RTEL1: variants seen among roughly 807,000 people sequenced by gnomAD.
The protein encoded by RTEL1 is regulator of telomere elongation helicase 1.
RTEL1 carries 86 observed loss-of-function variants against 162.2 expected under a neutral mutation model. The observed-to-expected ratio is 0.53, with a 90% CI of 0.45 to 0.63. The LOEUF (loss-of-function observed/expected upper bound fraction) is 0.63. Ranked by LOEUF, RTEL1 falls within the 30% of genes least tolerant of loss-of-function variation. The pLI is 0.00. For synonymous variants in RTEL1, 958 were observed against 717.9 expected, an observed-to-expected ratio of 1.33 and a Z score of -5.35; for missense variants, 1,941 against 1,750.2, an observed-to-expected ratio of 1.11 and a Z score of -1.95.
chr20:63,691,580 C>G (rs34412639), intron 27 of RTEL1, among the ~76,000 whole-genome samples, 162 bp from the exon 28 acceptor site: 2 of 152,144 alleles, frequency 1.3e-5, no homozygotes, highest in African/African-American at 2.4e-5. Flanking sequence ...TGGACAGGAC[C>G]AAGTTGTGGC....
In RTEL1 at chr20:63,693,307, C is replaced by G. The variant is rs370536556; in HGVS notation, c.2992+24C>G. 24 of 1,610,290 alleles carry G rather than the reference C, an allele frequency of 1.5e-5. No individual in the cohort carries two copies. The African/African-American group carries it at 2.5e-4, about 17-fold the overall frequency. On this transcript the variant is annotated intron_variant, in intron 30 of 34. Transcript: ENST00000360203. ...TGGTAAATGGGGCCCCAGGTGGGAC[C>G]CTCAGACTCCTGCGTGGAAGGCAGT...
At chr20:63,692,428 C>T (rs143585597) in intron 28 of RTEL1, 4,220 of 322,086 alleles carry the variant, frequency 0.013, 48 homozygotes, top group Non-Finnish European at 0.019. Flanking sequence ...ACTGCTCATC[C>T]GGAAGCCCCT....
chr20:63,678,235 C>G (rs751815255), intron 11 of RTEL1, 33 bp from the exon 12 acceptor site: 1 of 1,612,426 alleles, frequency 6.2e-7, no homozygotes, highest in Non-Finnish European at 8.5e-7. Context: ...CTCCTCCTTG[C>G]GAGGAGGTGG....
chr20:63,667,279 G>A (rs549330222), intron 7 of RTEL1, among the ~76,000 whole-genome samples, 190 bp from the exon 8 acceptor site: 1 of 151,684 alleles, frequency 6.6e-6, no homozygotes, highest in South Asian at 2.1e-4. Flanking sequence ...TCCCTTGGTC[G>A]GAAACTCACA....
intron 31 of RTEL1, 109 bp downstream of exon 31, chr20:63,694,597 CATG>C (rs2090921644): frequency 8.1e-7 from 1 of 1,235,346 alleles, no homozygotes; most frequent in African/African-American, 1.5e-5. Context: ...GGAGCCATCT[CATG>C]GTGGGGACTG....
rs942070436 is a variant in RTEL1, at chr20:63,679,734, A to G, written c.1038-115A>G. ...AGCCTGTTTTCTTCTCGGCAGCTACATCTTTGACCAGTGTCGTCCCCCCTC... is the reference window on the plus strand; with the variant it reads ...AGCCTGTTTTCTTCTCGGCAGCTACGTCTTTGACCAGTGTCGTCCCCCCTC... On this transcript the variant is annotated intron_variant, in intron 12 of 34. Transcript: ENST00000360203. 17 of 790,478 alleles carry G rather than the reference A, an allele frequency of 2.2e-5. No individual in the cohort carries two copies. The Admixed American group carries it at 2.4e-4, about 11-fold the overall frequency. 49.0% of individuals were successfully genotyped at this position (790,478 alleles called of 1,614,324 possible). A position where few individuals can be genotyped will look rare whatever the true frequency, so the allele number is the denominator to read the frequency against.
At chr20:63,685,071 C>T (rs946775009) in intron 14 of RTEL1, among the ~76,000 whole-genome samples, 15 of 130,844 alleles carry the variant, frequency 1.1e-4, no homozygotes, top group African/African-American at 4.3e-4. Context: ...TTTTGGTGAA[C>T]ACCCTGGGGT....
intron 9 of RTEL1, 73 bp downstream of exon 9, chr20:63,672,694 C>G: frequency 7.7e-7 from 1 of 1,305,974 alleles, no homozygotes; most frequent in Non-Finnish European, 1.1e-6. Flanking sequence ...GCAAACCTTT[C>G]TGGAGGGGCT....
chr20:63,686,249 G>C (rs1160313729), intron 16 of RTEL1: 1 of 318,524 alleles, frequency 3.1e-6, no homozygotes, highest in Admixed American at 4.6e-5. Flanking sequence ...CCAAGCCTCA[G>C]GGTCACATCT....
intron 8 of RTEL1, among the ~76,000 whole-genome samples, chr20:63,669,388 T>G (rs905060712): frequency 3.3e-5 from 5 of 152,156 alleles, no homozygotes; most frequent in Admixed American, 2.0e-4. Flanking sequence ...TTAGTATGGA[T>G]ACACAAGGCA....
At position 63,687,761 on chromosome 20, in the gene RTEL1, A is replaced by G; in HGVS notation, c.1472A>G (p.Glu491Gly). Residue 491 changes from glutamate (E) to glycine (G), a missense_variant, in exon 17 of 35, where the codon GAG (glutamate) becomes GGG (glycine). Transcript: ENST00000360203. Reference sequence around the variant, plus strand: ...GCCCCGGTGTCCTCCTTTGCTCTGGAGATGCAGATGTACGGGCCACCCCTG... The same window carrying G: ...GCCCCGGTGTCCTCCTTTGCTCTGGGGATGCAGATGTACGGGCCACCCCTG... ...TLAPVSSFAL[E>G]MQIPFPVCLE... The G allele has an allele frequency of 6.3e-7, 1 of 1,575,356 alleles. No individual in the cohort carries two copies. Among genetic ancestry groups the G allele is most frequent in the South Asian group, 1.2e-5 (1 of 86,846 alleles).
At position 63,690,950 on chromosome 20, in the gene RTEL1, A is replaced by G; in HGVS notation, c.2556+3A>G. On this transcript the variant is annotated splice_donor_region_variant and intron_variant, in intron 27 of 34. Coordinates refer to ENST00000360203, the MANE Select transcript of RTEL1 (RefSeq NM_001283009.2). ...CGGGGAGCCCTGGCGAGGAGCAGGTACAGTTCCAGGGCCTTGGGATGGACA... is the reference window on the plus strand; with the variant it reads ...CGGGGAGCCCTGGCGAGGAGCAGGTGCAGTTCCAGGGCCTTGGGATGGACA... 6.5e-7 allele frequency: 1 copy of G among 1,548,200 alleles called. No individual in the cohort carries two copies. The highest frequency in any genetic ancestry group is 8.7e-7 in the Non-Finnish European group (1 of 1,146,702).
rs372875118 is a variant in RTEL1, at chr20:63,690,795, G to A, written c.2414-10G>A. On this transcript the variant is annotated splice_polypyrimidine_tract_variant and intron_variant, in intron 26 of 34. Coordinates refer to ENST00000360203, the MANE Select transcript of RTEL1 (RefSeq NM_001283009.2). ...CGTGGGCTTCACTGCGCACTCGGGT[G>A]CCCCTGCAGGGTCACCAGCTGCCGG... The A allele has an allele frequency of 8.1e-6, 13 of 1,598,678 alleles. No homozygotes were observed. The highest frequency in any genetic ancestry group is 2.2e-4 in the Middle Eastern group (1 of 4,458).
At chr20:63,682,959 G>T (rs2090508310) in intron 14 of RTEL1, among the ~76,000 whole-genome samples, 1 of 152,162 alleles carries the variant, frequency 6.6e-6, no homozygotes, top group Admixed American at 6.5e-5. Context: ...GAGGCACAGG[G>T]GGATTTGTGG....
intron 13 of RTEL1, 130 bp from the exon 14 acceptor site, chr20:63,680,534 C>G: frequency 1.0e-6 from 1 of 957,106 alleles, no homozygotes; most frequent in Non-Finnish European, 1.6e-6. Flanking sequence ...GCGCTCCACC[C>G]TGGGCCCCCC....
intron 30 of RTEL1, 192 bp from the exon 31 acceptor site, chr20:63,694,180 T>G (rs934875612): frequency 1.7e-6 from 1 of 600,478 alleles, no homozygotes; most frequent in African/African-American, 1.8e-5. Context: ...TGCCCGCCAC[T>G]GTTCCAGCCC....
chr20:63,695,728 C>T lies in RTEL1; in HGVS notation c.3823-50C>T, dbSNP rs776851218. ...TGAGGGGGAAAGGGCAGGCCCTTGT[C>T]CTGGTGGCAACGCCTGGCAGACGTG... is the stretch of plus-strand genomic sequence containing the variant. On this transcript the variant is annotated intron_variant, in intron 34 of 34. Transcript: ENST00000360203. 1.9e-5 allele frequency: 30 copies of T among 1,600,372 alleles called. 1 individual carries two copies. The highest frequency in any genetic ancestry group is 1.7e-4 in the South Asian group (15 of 89,590).
rs2090805160 is a variant in RTEL1 at position 63,693,204 on chromosome 20, G to C, written c.2913G>C (p.Leu971=). The change falls in exon 30 of 35, where the codon CTG becomes CTC. Residue 971 remains leucine (L), a synonymous_variant. Coordinates refer to ENST00000360203, the MANE Select transcript of RTEL1 (RefSeq NM_001283009.2). ...AGTTTGAGGAGGTCTGTATCCAGCTGACAGGACGAGGCTGTGGCTATCGGC... is the reference window on the plus strand; with the variant it reads ...AGTTTGAGGAGGTCTGTATCCAGCTCACAGGACGAGGCTGTGGCTATCGGC... ...KQQFEEVCIQ[L]TGRGCGYRPE... 6.2e-7 allele frequency: 1 copy of C among 1,612,142 alleles called. No homozygotes were observed. Among genetic ancestry groups the C allele is most frequent in the Non-Finnish European group, 8.5e-7 (1 of 1,179,530 alleles).
rs575939486 is a variant in RTEL1 at position 63,684,248 on chromosome 20, G to A, written c.1192-1275G>A. 1.8e-4 allele frequency among the ~76,000 whole-genome samples: 27 copies of A among 152,170 alleles called. No homozygotes were observed. The South Asian group carries it at 5.6e-3, about 32-fold the overall frequency. On this transcript the variant is annotated intron_variant, in intron 14 of 34. Transcript: ENST00000360203. Reference sequence around the variant, plus strand: ...ACACCGGTGGTTCTGTGCGCTGACCGAGCGGCTCGGCTTCCCCCAACTCCA... The same window carrying A: ...ACACCGGTGGTTCTGTGCGCTGACCAAGCGGCTCGGCTTCCCCCAACTCCA...
Sources: allele counts gnomAD v4.1 joint callset (sites outside exome capture counted in the v4.1 genomes callset), GRCh38; gene constraint gnomAD v4.1.1; transcripts MANE v1.5; gene names NCBI Gene and HGNC (gene_info 2026-07-23, HGNC 2026-07-21).